KCNQ1OT1: variants seen among roughly 807,000 people sequenced by gnomAD.
KCNQ1OT1 encodes KCNQ1 opposite strand/antisense transcript 1.
chr11:2,695,309 G>A lies in KCNQ1OT1; in HGVS notation n.4686C>T, dbSNP rs185407774. The A allele has an allele frequency of 5.0e-6, 2 of 397,130 alleles. No individual in the cohort carries two copies. The highest frequency in any genetic ancestry group is 8.9e-6 in the Non-Finnish European group (2 of 225,900). 24.6% of individuals were successfully genotyped at this position (397,130 alleles called of 1,614,324 possible). On this transcript the variant is annotated non_coding_transcript_exon_variant, in exon 1 of 1. Transcript: ENST00000597346. This position sits in a 1 kb window ranked among gnomAD's most constrained non-coding sequence, Gnocchi z 5.2. Reference sequence around the variant, plus strand: ...CCTCCCTACACAAACAGCTTCTCCAGGGTAATTTATTTATATCATTGTGTG... The same window carrying A: ...CCTCCCTACACAAACAGCTTCTCCAAGGTAATTTATTTATATCATTGTGTG...
chr11:2,658,568 C>T lies in KCNQ1OT1; in HGVS notation n.41427G>A. On this transcript the variant is annotated non_coding_transcript_exon_variant, in exon 1 of 1. Transcript: ENST00000597346. This position sits in a 1 kb window ranked among gnomAD's most constrained non-coding sequence, Gnocchi z 4.9. ...TACCCTAGCCCTAGAATCATCCATT[C>T]ATCCAGAGAGCCCTGGCTCCCTGGA... 2.9e-6 allele frequency: 1 copy of T among 342,534 alleles called. No individual in the cohort carries two copies. Among genetic ancestry groups the T allele is most frequent in the Middle Eastern group, 6.8e-4 (1 of 1,472 alleles). 21.2% of individuals were successfully genotyped at this position (342,534 alleles called of 1,614,324 possible). A position where few individuals can be genotyped will look rare whatever the true frequency, so the allele number is the denominator to read the frequency against.
At chr11:2,693,596 A>G in exon 1 of KCNQ1OT1, 1 of 398,658 alleles carries the variant, frequency 2.5e-6, no homozygotes, top group Non-Finnish European at 4.4e-6. Context: ...ATGAGGCCAC[A>G]TTTAAATTGC....
exon 1 of KCNQ1OT1, chr11:2,610,344 A>G (rs576378349): frequency 2.0e-5 from 8 of 398,064 alleles, no homozygotes; most frequent in African/African-American, 6.2e-5. Flanking sequence ...CGCTATTATA[A>G]TGATCATACT....
rs1589987853 is a variant in KCNQ1OT1 at position 2,623,532 on chromosome 11, T to C, written n.76463A>G. 2.3e-5 allele frequency: 9 copies of C among 398,632 alleles called. No individual in the cohort carries two copies. The East Asian group carries it at 3.2e-4, about 14-fold the overall frequency. 24.7% of individuals were successfully genotyped at this position (398,632 alleles called of 1,614,324 possible). A position where few individuals can be genotyped will look rare whatever the true frequency, so the allele number is the denominator to read the frequency against. On this transcript the variant is annotated non_coding_transcript_exon_variant, in exon 1 of 1. Coordinates refer to ENST00000597346, the Ensembl canonical transcript of KCNQ1OT1. This position sits in a 1 kb window ranked among gnomAD's most constrained non-coding sequence, Gnocchi z 5.2. Reference sequence around the variant, plus strand: ...TTGGAATCATACAGTATGTAGTTTCTTCAGATTGCCTTATTTCACATAGTA... The same window carrying C: ...TTGGAATCATACAGTATGTAGTTTCCTCAGATTGCCTTATTTCACATAGTA...
rs1850176089 is a variant in KCNQ1OT1, at chr11:2,671,107, CAGTTAGTCTG to C, written n.28878_28887del. The C allele has an allele frequency of 2.9e-6, 1 of 339,806 alleles. No individual in the cohort carries two copies. Among genetic ancestry groups the C allele is most frequent in the African/African-American group, 2.8e-5 (1 of 36,276 alleles). The allele number at this position is 339,806 out of a possible 1,614,324, so 21.0% of individuals were successfully genotyped here. A position where few individuals can be genotyped will look rare whatever the true frequency, so the allele number is the denominator to read the frequency against. On this transcript the variant is annotated non_coding_transcript_exon_variant, in exon 1 of 1. Transcript: ENST00000597346. The surrounding 1 kb of genome is among the most constrained non-coding windows in gnomAD (Gnocchi z 4.7). ...GAGGAAGTCTGGCAGTTAGTCTGAG[CAGTTAGTCTG>C]TCAGGCCTGGTTGGTCCCATGGGAG...
rs973163691 is a variant in KCNQ1OT1 at position 2,697,706 on chromosome 11, C to T, written n.2289G>A. ...TCTGATATTGGATCATCTTTGCATTCCTAAGAGCAATCCCACTTGTTTAAG... is the reference window on the plus strand; with the variant it reads ...TCTGATATTGGATCATCTTTGCATTTCTAAGAGCAATCCCACTTGTTTAAG... On this transcript the variant is annotated non_coding_transcript_exon_variant, in exon 1 of 1. Coordinates refer to ENST00000597346, the Ensembl canonical transcript of KCNQ1OT1. 3.0e-5 allele frequency: 12 copies of T among 398,442 alleles called. No homozygotes were observed. In the Admixed American group the frequency reaches 3.1e-4, roughly 10 times the overall value. The allele number at this position is 398,442 out of a possible 1,614,324, so 24.7% of individuals were successfully genotyped here. A position where few individuals can be genotyped will look rare whatever the true frequency, so the allele number is the denominator to read the frequency against.
chr11:2,691,591 G>C lies in KCNQ1OT1; in HGVS notation n.8404C>G. 2.5e-6 allele frequency: 1 copy of C among 398,468 alleles called. No homozygotes were observed. Among genetic ancestry groups the C allele is most frequent in the South Asian group, 1.3e-4 (1 of 7,860 alleles). 24.7% of individuals were successfully genotyped at this position (398,468 alleles called of 1,614,324 possible). A position where few individuals can be genotyped will look rare whatever the true frequency, so the allele number is the denominator to read the frequency against. Reference sequence around the variant, plus strand: ...CTCAGCAAGGACGAGGCCTCCCTGAGGGAGTCAACCTAGCTTGTTCCCTGC... The same window carrying C: ...CTCAGCAAGGACGAGGCCTCCCTGACGGAGTCAACCTAGCTTGTTCCCTGC... On this transcript the variant is annotated non_coding_transcript_exon_variant, in exon 1 of 1. Transcript: ENST00000597346. This position sits in a 1 kb window ranked among gnomAD's most constrained non-coding sequence, Gnocchi z 6.4.
Position 2,692,388 on chromosome 11 carries a change from A to G in KCNQ1OT1, n.7607T>C, listed in dbSNP as rs1850604085. On this transcript the variant is annotated non_coding_transcript_exon_variant, in exon 1 of 1. Transcript: ENST00000597346. The stretch of plus-strand genomic sequence containing the variant: ...CTGGCATTCTCACATCCCCTGCCCC[A>G]TTCCAATCAATTATCTACTCAGTGG... 1.3e-5 allele frequency: 5 copies of G among 398,652 alleles called. No homozygotes were observed. The East Asian group carries it at 1.8e-4, about 14-fold the overall frequency. 24.7% of individuals were successfully genotyped at this position (398,652 alleles called of 1,614,324 possible). A position where few individuals can be genotyped will look rare whatever the true frequency, so the allele number is the denominator to read the frequency against.
At position 2,658,015 on chromosome 11, in the gene KCNQ1OT1, T is replaced by TC; in HGVS notation, n.41979dup. On this transcript the variant is annotated non_coding_transcript_exon_variant, in exon 1 of 1. Transcript: ENST00000597346. This position sits in a 1 kb window ranked among gnomAD's most constrained non-coding sequence, Gnocchi z 4.9. ...GTAAGTGAATAGCTGTTTTTCCCTT[T>TC]CCATAGCTTAGTCTTTAGAAGCGAG... The TC allele has an allele frequency of 2.5e-6, 1 of 398,570 alleles. No homozygotes were observed. The highest frequency in any genetic ancestry group is 6.3e-4 in the Middle Eastern group (1 of 1,588). The allele number at this position is 398,570 out of a possible 1,614,324, so 24.7% of individuals were successfully genotyped here. A position where few individuals can be genotyped will look rare whatever the true frequency, so the allele number is the denominator to read the frequency against.
rs1053390115 is a variant in KCNQ1OT1, at chr11:2,647,535, C to T, written n.52460G>A. 1 of 398,388 alleles carries T rather than the reference C, an allele frequency of 2.5e-6. No homozygotes were observed. Among genetic ancestry groups the T allele is most frequent in the African/African-American group, 2.1e-5 (1 of 48,582 alleles). The allele number at this position is 398,388 out of a possible 1,614,324, so 24.7% of individuals were successfully genotyped here. ...CTCACAGAATGAGTTAGGGAGAATT[C>T]CTTTCTCTTCAGTCTTTTGGAATTG... On this transcript the variant is annotated non_coding_transcript_exon_variant, in exon 1 of 1. Transcript: ENST00000597346. This position sits in a 1 kb window ranked among gnomAD's most constrained non-coding sequence, Gnocchi z 4.0.
rs1849912669 is a variant in KCNQ1OT1, at chr11:2,659,516, A to G, written n.40479T>C. Reference sequence around the variant, plus strand: ...TTTATGCATTCACCTGTTGAAGGACATCTTCATTGTTTCCAGTATTTGGTA... The same window carrying G: ...TTTATGCATTCACCTGTTGAAGGACGTCTTCATTGTTTCCAGTATTTGGTA... On this transcript the variant is annotated non_coding_transcript_exon_variant, in exon 1 of 1. Transcript: ENST00000597346. The surrounding 1 kb of genome is among the most constrained non-coding windows in gnomAD (Gnocchi z 4.3). 1 of 398,594 alleles carries G rather than the reference A, an allele frequency of 2.5e-6. No homozygotes were observed. The highest frequency in any genetic ancestry group is 3.6e-5 in the East Asian group (1 of 28,052). The allele number at this position is 398,594 out of a possible 1,614,324, so 24.7% of individuals were successfully genotyped here.
exon 1 of KCNQ1OT1, chr11:2,699,698 G>C (rs1590040287): frequency 4.6e-6 from 1 of 217,392 alleles, no homozygotes; most frequent in South Asian, 3.3e-4. Flanking sequence ...CGGGTGCCCC[G>C]AGGAGAACGG....
chr11:2,697,950 A>G lies in KCNQ1OT1; in HGVS notation n.2045T>C, dbSNP rs1590039104. The G allele has an allele frequency of 4.5e-5, 18 of 398,652 alleles. No individual in the cohort carries two copies. In the East Asian group the frequency reaches 6.4e-4, roughly 14 times the overall value. 24.7% of individuals were successfully genotyped at this position (398,652 alleles called of 1,614,324 possible). ...TCAGCATGTTAGGAAACACATTAAAATACACCCATAATCAAGCAACTCAAT... is the reference window on the plus strand; with the variant it reads ...TCAGCATGTTAGGAAACACATTAAAGTACACCCATAATCAAGCAACTCAAT... On this transcript the variant is annotated non_coding_transcript_exon_variant, in exon 1 of 1. Coordinates refer to ENST00000597346, the Ensembl canonical transcript of KCNQ1OT1.
At chr11:2,656,253 C>A (rs1849846793) in exon 1 of KCNQ1OT1, 5 of 398,534 alleles carry the variant, frequency 1.3e-5, no homozygotes, top group Non-Finnish European at 2.2e-5. Context: ...CATTATATAA[C>A]CTAGGGTACT....
chr11:2,686,927 CTCCGTGATGCGGAGCA>C (rs1850499444), exon 1 of KCNQ1OT1: 1 of 398,544 alleles, frequency 2.5e-6, no homozygotes, highest in Admixed American at 4.4e-5. Context: ...CCATGCAGGT[CTCCGTGATGCGGAGCA>C]TGCCCAGCTT....
exon 1 of KCNQ1OT1, chr11:2,655,884 C>T: frequency 2.5e-6 from 1 of 398,694 alleles, no homozygotes; most frequent in East Asian, 3.6e-5. Flanking sequence ...CTTCTCTGCC[C>T]CTTGTTATAG....
chr11:2,662,539 C>G, exon 1 of KCNQ1OT1: 1 of 428,358 alleles, frequency 2.3e-6, no homozygotes, highest in Non-Finnish European at 4.1e-6. Context: ...ATTTTCCACG[C>G]CTTCCAGTTG....
chr11:2,679,067 C>T lies in KCNQ1OT1; in HGVS notation n.20928G>A, dbSNP rs1850343097. Reference sequence around the variant, plus strand: ...CTCCATACCAACCACCAAAAAAACCCACTAACACCATAAAGTGTCATAGCT... The same window carrying T: ...CTCCATACCAACCACCAAAAAAACCTACTAACACCATAAAGTGTCATAGCT... On this transcript the variant is annotated non_coding_transcript_exon_variant, in exon 1 of 1. Coordinates refer to ENST00000597346, the Ensembl canonical transcript of KCNQ1OT1. The surrounding 1 kb of genome is among the most constrained non-coding windows in gnomAD (Gnocchi z 4.8). 1 of 398,630 alleles carries T rather than the reference C, an allele frequency of 2.5e-6. No homozygotes were observed. Among genetic ancestry groups the T allele is most frequent in the East Asian group, 3.6e-5 (1 of 28,082 alleles). The allele number at this position is 398,630 out of a possible 1,614,324, so 24.7% of individuals were successfully genotyped here.
exon 1 of KCNQ1OT1, chr11:2,660,334 A>G (rs1008059176): frequency 5.0e-6 from 2 of 398,378 alleles, no homozygotes; most frequent in African/African-American, 4.1e-5. Flanking sequence ...CAAATAGTGA[A>G]ATTAGGAATA....
Sources: allele counts gnomAD v4.1 joint callset, GRCh38; gene constraint gnomAD v4.1.1; non-coding constraint Gnocchi (gnomAD v3.1); transcripts MANE v1.5; gene names NCBI Gene and HGNC (gene_info 2026-07-23, HGNC 2026-07-21).